Variants in GPC5 observed in about 807,000 individuals in gnomAD.
GPC5 encodes glypican 5.
Under a neutral mutation model 53.9 loss-of-function variants are expected in GPC5, and 47 were observed. That is an observed-to-expected ratio of 0.87 (90% confidence interval 0.69 to 1.11). GPC5 has a LOEUF of 1.11. Among genes scored for constraint, GPC5 ranks in the 50% most tolerant of loss-of-function variants. The pLI is 0.00. For missense variants in GPC5, 748 were observed against 713.1 expected (o/e 1.05, Z -0.56); for synonymous variants, 286 against 263.3 (o/e 1.09, Z -0.84).
intron 7 of GPC5, among the ~76,000 whole-genome samples, chr13:92,419,278 AT>A (rs200724298): frequency 1.2e-4 from 18 of 150,234 alleles, no homozygotes; most frequent in Middle Eastern, 3.5e-3. Flanking sequence ...CAGCAGTATT[AT>A]TTTTTTTTTC....
chr13:91,454,870 C>T (rs969612557), intron 2 of GPC5, among the ~76,000 whole-genome samples: 1 of 152,074 alleles, frequency 6.6e-6, no homozygotes, highest in Non-Finnish European at 1.5e-5. Context: ...AATAATCCTC[C>T]AACCTCAGCC....
chr13:92,450,126 A>G (rs961789859), intron 7 of GPC5, among the ~76,000 whole-genome samples: 2 of 152,134 alleles, frequency 1.3e-5, no homozygotes, highest in Admixed American at 6.6e-5. Flanking sequence ...TGCATTTACA[A>G]TGAACCTTGA....
At chr13:91,549,158 A>G (rs1487186883) in intron 2 of GPC5, among the ~76,000 whole-genome samples, 1 of 151,822 alleles carries the variant, frequency 6.6e-6, no homozygotes, top group African/African-American at 2.4e-5. Context: ...AATCCCAACT[A>G]CTCGTGAGGC....
chr13:91,908,597 A>G (rs1290067687), intron 6 of GPC5, among the ~76,000 whole-genome samples: 1 of 152,114 alleles, frequency 6.6e-6, no homozygotes, highest in East Asian at 1.9e-4. Context: ...AATGTTTTTC[A>G]TCAAGTAGTG....
intron 7 of GPC5, among the ~76,000 whole-genome samples, chr13:92,440,577 T>G (rs1877508520): frequency 6.6e-6 from 1 of 152,188 alleles, no homozygotes; most frequent in Admixed American, 6.5e-5. Flanking sequence ...TGCACATTCT[T>G]TTTGGTAGAA....
chr13:92,385,423 TATATACATATATAC>T (rs2043789472), intron 7 of GPC5, among the ~76,000 whole-genome samples: 5 of 71,986 alleles, frequency 6.9e-5, no homozygotes, highest in African/African-American at 2.8e-4. Context: ...TATATATACA[TATATACATATATAC>T]ATATATACAT....
intron 7 of GPC5, among the ~76,000 whole-genome samples, chr13:92,634,833 G>A (rs1276537131): frequency 6.6e-6 from 1 of 151,688 alleles, no homozygotes; most frequent in African/African-American, 2.4e-5. Flanking sequence ...TTCTCCGTTG[G>A]TTCTAATGCA....
intron 6 of GPC5, among the ~76,000 whole-genome samples, chr13:91,922,727 A>C (rs1011333611): frequency 2.0e-5 from 3 of 152,182 alleles, no homozygotes; most frequent in Non-Finnish European, 4.4e-5. Context: ...TGAGATCTAC[A>C]GTCAACTTTC....
chr13:92,041,053 T>C (rs2040938078), intron 6 of GPC5, among the ~76,000 whole-genome samples: 1 of 152,078 alleles, frequency 6.6e-6, no homozygotes, highest in Non-Finnish European at 1.5e-5. Context: ...GGTTTCACCA[T>C]GTTGGCCAGG....
intron 7 of GPC5, among the ~76,000 whole-genome samples, chr13:92,855,642 C>CAAAT (rs148716276): frequency 0.16 from 23,889 of 150,908 alleles, 2,291 homozygotes; most frequent in East Asian, 0.33. Context: ...AGTGAAGACC[C>CAAAT]AAACACAGTC....
chr13:91,888,244 C>G (rs1418414996), intron 5 of GPC5, among the ~76,000 whole-genome samples: 2 of 152,070 alleles, frequency 1.3e-5, no homozygotes, highest in African/African-American at 4.8e-5. Context: ...AACTTATTCA[C>G]GATCACAAGA....
intron 7 of GPC5, among the ~76,000 whole-genome samples, chr13:92,320,757 A>G (rs2043210327): frequency 1.3e-5 from 2 of 152,194 alleles, no homozygotes; most frequent in Admixed American, 6.5e-5. Flanking sequence ...TAAGACAGAA[A>G]ATTAATTAGG....
intron 7 of GPC5, among the ~76,000 whole-genome samples, chr13:92,630,998 C>A (rs1885217244): frequency 6.6e-6 from 1 of 152,018 alleles, no homozygotes; most frequent in Non-Finnish European, 1.5e-5. Context: ...ATTACCATTT[C>A]TTCTTGCTAA....
intron 7 of GPC5, among the ~76,000 whole-genome samples, chr13:92,627,281 T>C (rs1429389583): frequency 6.6e-6 from 1 of 152,336 alleles, no homozygotes; most frequent in South Asian, 2.1e-4. Context: ...ATTTTCCCAA[T>C]GAAGAGAGCA....
intron 5 of GPC5, among the ~76,000 whole-genome samples, chr13:91,791,228 G>A (rs2037958946): frequency 6.6e-6 from 1 of 152,190 alleles, no homozygotes; most frequent in Non-Finnish European, 1.5e-5. Context: ...GCAGAGCCAA[G>A]GGCCCATCTG....
intron 5 of GPC5, among the ~76,000 whole-genome samples, chr13:91,849,258 T>A (rs2038887134): frequency 6.6e-6 from 1 of 152,142 alleles, no homozygotes. Flanking sequence ...TGACATGACA[T>A]GCATTTCTAC....
intron 2 of GPC5, among the ~76,000 whole-genome samples, chr13:91,655,490 A>C (rs2034823490): frequency 3.3e-5 from 5 of 152,112 alleles, no homozygotes; most frequent in Admixed American, 3.3e-4. Flanking sequence ...AATAAGCTTA[A>C]ATCATAAAAT....
At chr13:92,571,908 G>A (rs1056130869) in intron 7 of GPC5, among the ~76,000 whole-genome samples, 3 of 152,054 alleles carry the variant, frequency 2.0e-5, no homozygotes, top group Admixed American at 1.3e-4. Flanking sequence ...GTTTGGTGGT[G>A]CCTGTGGTCC....
chr13:91,610,385 C>A (rs949055278), intron 2 of GPC5, among the ~76,000 whole-genome samples: 1 of 151,966 alleles, frequency 6.6e-6, no homozygotes, highest in Admixed American at 6.6e-5. Context: ...ATTTTTCTTC[C>A]GTAGCTCATT....
Sources: gnomAD v4.1 joint callset for allele counts (sites outside exome capture counted in the v4.1 genomes callset) on GRCh38, gnomAD v4.1.1 for gene constraint, MANE v1.5 for transcripts, NCBI Gene and HGNC (gene_info 2026-07-23, HGNC 2026-07-21) for gene names.